Variants in SLC25A26 observed in about 807,000 individuals in gnomAD.
SLC25A26 encodes the protein mitochondrial S-adenosylmethionine carrier protein.
In SLC25A26, 36 loss-of-function variants were observed where a neutral mutation model predicts 37.8. The ratio of observed to expected loss-of-function variants is 0.95; its 90% CI spans 0.73 to 1.26. SLC25A26 has a LOEUF of 1.26. Ranked by LOEUF, SLC25A26 falls within the 50% of genes most tolerant of loss-of-function variation. The probability of loss-of-function intolerance (pLI) is 0.00; values close to 1 mark genes in which losing one functional copy is unlikely to be tolerated. For synonymous variants in SLC25A26, 129 were observed against 122.5 expected (o/e 1.05, Z -0.35); for missense variants, 390 against 331.1 (o/e 1.18, Z -1.38).
rs530054326 is a variant in SLC25A26 at position 66,331,403 on chromosome 3, A to G, written c.454-14961A>G. On this transcript the variant is annotated intron_variant, in intron 5 of 9. Coordinates refer to ENST00000354883, the MANE Select transcript of SLC25A26 (RefSeq NM_001379210.1). ...TAAAGCATGGCTTTTGTTGTTACTT[A>G]ATACCCTTTAAAAAAATCCCATTTA... Among the ~76,000 whole-genome samples the G allele has an allele frequency of 7.1e-4, 108 of 152,282 alleles. 1 individual carries two copies. The highest frequency in any genetic ancestry group is 3.4e-3 in the Middle Eastern group (1 of 294).
chr3:66,310,889 AG>A (rs60461776), intron 5 of SLC25A26, among the ~76,000 whole-genome samples: 1,587 of 152,262 alleles, frequency 0.01, 25 homozygotes, highest in African/African-American at 0.035. Context: ...TTCACCTTGT[AG>A]GTAGCCTGAC....
chr3:66,308,380 A>C (rs1309757903), intron 5 of SLC25A26, among the ~76,000 whole-genome samples: 1 of 152,218 alleles, frequency 6.6e-6, no homozygotes, highest in African/African-American at 2.4e-5. Context: ...GAAGTTGCTT[A>C]TCGGCTTAAG....
At chr3:66,353,595 T>G (rs1472602113) in intron 6 of SLC25A26, among the ~76,000 whole-genome samples, 3 of 152,258 alleles carry the variant, frequency 2.0e-5, no homozygotes, top group African/African-American at 7.2e-5. Context: ...AGGTCATATT[T>G]AGTCAGCTCA....
chr3:66,232,296 T>C (rs1448655514), intron 1 of SLC25A26, among the ~76,000 whole-genome samples: 1 of 152,240 alleles, frequency 6.6e-6, no homozygotes, highest in East Asian at 1.9e-4. Flanking sequence ...TTCATATTTT[T>C]GTTAGTCATT....
At chr3:66,298,647 C>A (rs782750) in intron 5 of SLC25A26, among the ~76,000 whole-genome samples, 54,791 of 152,006 alleles carry the variant, frequency 0.36, 10,462 homozygotes, top group East Asian at 0.63. Flanking sequence ...TAAGTGACAT[C>A]AGTGTTGAAT....
intron 5 of SLC25A26, among the ~76,000 whole-genome samples, chr3:66,287,295 C>CAAA (rs532447022): frequency 4.3e-5 from 4 of 92,174 alleles, no homozygotes; most frequent in African/African-American, 7.8e-5. Context: ...GACTCCGTCT[C>CAAA]AAAAAAAAAA....
At chr3:66,229,651 T>C (rs1230268866) in intron 1 of SLC25A26, among the ~76,000 whole-genome samples, 1 of 152,234 alleles carries the variant, frequency 6.6e-6, no homozygotes, top group Admixed American at 6.5e-5. Context: ...CTAAACCTCT[T>C]TTCTTTATAC....
Position 66,168,160 on chromosome 3 carries a change from A to AT in SLC25A26, c.-354+34176_-354+34177insT, listed in dbSNP as rs1553649635. Among the ~76,000 whole-genome samples the AT allele has an allele frequency of 3.0e-3, 290 of 97,362 alleles. 15 individuals are homozygous for AT. The highest frequency in any genetic ancestry group is 0.015 in the South Asian group (46 of 3,164). The allele number at this position is 97,362 out of a possible 152,430, so 63.9% of individuals were successfully genotyped here. On this transcript the variant is annotated intron_variant, in intron 1 of 10. Coordinates refer to the SLC25A26 transcript ENST00000676754. ...AAGAGCAAAACTCAGTCTCAAAAAAAATATATATATATATATGTGTGTGTG... is the reference window on the plus strand; with the variant it reads ...AAGAGCAAAACTCAGTCTCAAAAAAATATATATATATATATATGTGTGTGTG...
chr3:66,350,795 A>G (rs1464752965), intron 6 of SLC25A26, among the ~76,000 whole-genome samples: 1 of 152,004 alleles, frequency 6.6e-6, no homozygotes, highest in African/African-American at 2.4e-5. Context: ...CTGCCTCTAA[A>G]TATGTTCTCC....
At chr3:66,272,573 C>G (rs2073995339) in intron 5 of SLC25A26, among the ~76,000 whole-genome samples, 1 of 152,012 alleles carries the variant, frequency 6.6e-6, no homozygotes, top group African/African-American at 2.4e-5. Flanking sequence ...CGTGATTTTC[C>G]TTTATCTAGG....
At chr3:66,282,209 C>T (rs2107454722) in intron 5 of SLC25A26, among the ~76,000 whole-genome samples, 1 of 151,888 alleles carries the variant, frequency 6.6e-6, no homozygotes, top group South Asian at 2.1e-4. Context: ...GACGGGGTTT[C>T]ACCTTGTTAG....
At chr3:66,209,854 GTA>G (rs1430069097) in intron 1 of SLC25A26, among the ~76,000 whole-genome samples, 57 of 105,944 alleles carry the variant, frequency 5.4e-4, no homozygotes, top group Middle Eastern at 7.5e-3. Flanking sequence ...AGAGAGGTGT[GTA>G]TACACACACA....
intron 9 of SLC25A26, among the ~76,000 whole-genome samples, chr3:66,371,784 A>G (rs1486666074): frequency 6.6e-6 from 1 of 152,130 alleles, no homozygotes; most frequent in Admixed American, 6.5e-5. Flanking sequence ...TCCTGAAGCT[A>G]CTTAGCCAGT....
chr3:66,249,743 G>T (rs553316555), intron 3 of SLC25A26, among the ~76,000 whole-genome samples: 2 of 152,338 alleles, frequency 1.3e-5, no homozygotes, highest in East Asian at 1.9e-4. Context: ...AGTCGTGGGG[G>T]ATAGGTGAAG....
intron 2 of SLC25A26, among the ~76,000 whole-genome samples, chr3:66,241,832 C>G (rs2107098408): frequency 6.6e-6 from 1 of 151,258 alleles, no homozygotes; most frequent in Non-Finnish European, 1.5e-5. Flanking sequence ...TAGAGGGAAA[C>G]AAAGATGGAA....
At chr3:66,242,601 A>G (rs896922895) in intron 2 of SLC25A26, among the ~76,000 whole-genome samples, 1 of 152,180 alleles carries the variant, frequency 6.6e-6, no homozygotes, top group Non-Finnish European at 1.5e-5. Flanking sequence ...TTAACAGTAC[A>G]TAGAAAGTTT....
intron 5 of SLC25A26, among the ~76,000 whole-genome samples, chr3:66,329,245 A>G (rs567648626): frequency 1.8e-3 from 279 of 152,206 alleles, no homozygotes; most frequent in African/African-American, 6.4e-3. Flanking sequence ...GCATACCATA[A>G]TTTTTATTTC....
At chr3:66,360,397 A>G (rs2076670058) in intron 6 of SLC25A26, among the ~76,000 whole-genome samples, 1 of 152,194 alleles carries the variant, frequency 6.6e-6, no homozygotes, top group Admixed American at 6.5e-5. Context: ...TCAGTAAGGC[A>G]AAAATGAAAA....
chr3:66,259,092 G>A (rs2073420154), intron 3 of SLC25A26, among the ~76,000 whole-genome samples: 1 of 152,112 alleles, frequency 6.6e-6, no homozygotes, highest in Non-Finnish European at 1.5e-5. Context: ...CAGGGTAGGA[G>A]GGGAGAGACT....
Sources: gnomAD v4.1 joint callset for allele counts (sites outside exome capture counted in the v4.1 genomes callset) on GRCh38, gnomAD v4.1.1 for gene constraint, MANE v1.5 for transcripts, NCBI Gene and HGNC (gene_info 2026-07-23, HGNC 2026-07-21) for gene names.